The following LRMDA variants were observed in gnomAD, a reference collection of about 807,000 sequenced individuals.
The protein encoded by LRMDA is leucine-rich melanocyte differentiation-associated protein.
A neutral mutation model predicts 29.8 loss-of-function variants in LRMDA; 18 were observed. The observed-to-expected ratio is 0.60, with a 90% CI of 0.42 to 0.90. LRMDA has a LOEUF of 0.90. LRMDA is among the 40% of genes least tolerant of loss of function. The probability of loss-of-function intolerance (pLI) is 0.00; values close to 1 mark genes in which losing one functional copy is unlikely to be tolerated. For synonymous variants in LRMDA, 125 were observed against 109.4 expected, an observed-to-expected ratio of 1.14 and a Z score of -0.89; for missense variants, 273 against 273.9, an observed-to-expected ratio of 1.00 and a Z score of 0.02.
chr10:75,567,790 C>T (rs1322623452), intron 2 of LRMDA, among the ~76,000 whole-genome samples: 1 of 152,146 alleles, frequency 6.6e-6, no homozygotes, highest in Non-Finnish European at 1.5e-5. Flanking sequence ...AGTATTTTAT[C>T]AGTTAGAACT....
At chr10:75,998,606 T>C (rs563483440) in intron 2 of LRMDA, among the ~76,000 whole-genome samples, 3 of 152,316 alleles carry the variant, frequency 2.0e-5, no homozygotes, top group African/African-American at 7.2e-5. Context: ...CACGTCTTCG[T>C]GGGGTTAGGG....
intron 2 of LRMDA, among the ~76,000 whole-genome samples, chr10:75,593,089 G>A (rs557780151): frequency 1.3e-5 from 2 of 152,270 alleles, no homozygotes; most frequent in Non-Finnish European, 2.9e-5. Context: ...ACGGAATGAT[G>A]TCATGCGGAA....
At chr10:76,093,751 C>G (rs1849270360) in intron 5 of LRMDA, among the ~76,000 whole-genome samples, 1 of 152,294 alleles carries the variant, frequency 6.6e-6, no homozygotes, top group Non-Finnish European at 1.5e-5. Context: ...TTCCAAATAA[C>G]CAACCCAACG....
chr10:75,637,777 T>A (rs1841405766), intron 2 of LRMDA, among the ~76,000 whole-genome samples: 1 of 152,214 alleles, frequency 6.6e-6, no homozygotes, highest in Admixed American at 6.5e-5. Context: ...GTCTTCCTAA[T>A]AGGCAGCTGC....
intron 6 of LRMDA, among the ~76,000 whole-genome samples, chr10:76,359,150 GGTTTTATCCAAAGGCAGA>G (rs1841278874): frequency 6.6e-6 from 1 of 152,198 alleles, no homozygotes; most frequent in African/African-American, 2.4e-5. Flanking sequence ...TTGTCATTGT[GGTTTTATCCAAAGGCAGA>G]GAACATTGGA....
intron 2 of LRMDA, among the ~76,000 whole-genome samples, chr10:75,520,474 A>G (rs1251910208): frequency 6.6e-6 from 1 of 152,158 alleles, no homozygotes; most frequent in East Asian, 1.9e-4. Context: ...CGAATCAGCT[A>G]TTGAAGCTTG....
At chr10:76,495,164 A>T (rs995776770) in intron 6 of LRMDA, among the ~76,000 whole-genome samples, 1 of 151,890 alleles carries the variant, frequency 6.6e-6, no homozygotes, top group East Asian at 1.9e-4. Context: ...TATTGTGCTA[A>T]AATTGTATAA....
intron 2 of LRMDA, among the ~76,000 whole-genome samples, chr10:75,800,853 T>TC (rs1233418526): frequency 6.6e-6 from 1 of 152,194 alleles, no homozygotes; most frequent in East Asian, 1.9e-4. Context: ...TTCTGTTATC[T>TC]CCCCCTGAAA....
chr10:75,488,324 T>G (rs1442003405), intron 2 of LRMDA, among the ~76,000 whole-genome samples: 1 of 152,222 alleles, frequency 6.6e-6, no homozygotes, highest in Non-Finnish European at 1.5e-5. Context: ...TTAGCCTTCA[T>G]GTGAACTGAA....
chr10:75,832,768 C>T (rs1209254994), intron 2 of LRMDA, among the ~76,000 whole-genome samples: 2 of 152,196 alleles, frequency 1.3e-5, no homozygotes, highest in African/African-American at 2.4e-5. Context: ...TCACATCTTA[C>T]GTGGATGGTA....
intron 2 of LRMDA, among the ~76,000 whole-genome samples, chr10:75,851,369 T>G (rs560975394): frequency 1.3e-5 from 2 of 152,216 alleles, no homozygotes; most frequent in Non-Finnish European, 2.9e-5. Flanking sequence ...TCTATTCTTA[T>G]CCTGTTGTGT....
chr10:75,870,975 G>A (rs1003712307), intron 2 of LRMDA, among the ~76,000 whole-genome samples: 4 of 152,168 alleles, frequency 2.6e-5, no homozygotes, highest in Non-Finnish European at 5.9e-5. Flanking sequence ...TATCTGTGAT[G>A]TATCTCCTCA....
At chr10:75,578,256 A>C (rs1033997754) in intron 2 of LRMDA, among the ~76,000 whole-genome samples, 9 of 145,622 alleles carry the variant, frequency 6.2e-5, no homozygotes, top group Non-Finnish European at 9.1e-5. Context: ...GTTGCAATTG[A>C]GTCTCTGATA....
chr10:75,768,337 T>C (rs996720995), intron 2 of LRMDA, among the ~76,000 whole-genome samples: 1 of 152,230 alleles, frequency 6.6e-6, no homozygotes, highest in African/African-American at 2.4e-5. Flanking sequence ...GTAATTTCTT[T>C]GCTGTGCATT....
rs547776010 is a variant in LRMDA, at chr10:76,084,698, T to G, written c.516+25915T>G. Among the ~76,000 whole-genome samples, 41 of 152,308 alleles carry G rather than the reference T, an allele frequency of 2.7e-4. 2 individuals carry two copies. In the South Asian group the frequency reaches 7.9e-3, roughly 29 times the overall value. ...ATGATATATGTAAAGTATCTGGCAC[T>G]TAGTAGTAGGTTAGTAAAAATTAGC... On this transcript the variant is annotated intron_variant, in intron 5 of 6. Coordinates refer to ENST00000611255, the MANE Select transcript of LRMDA (RefSeq NM_001305581.2).
At chr10:75,607,460 G>A (rs192647799) in intron 2 of LRMDA, among the ~76,000 whole-genome samples, 49 of 152,270 alleles carry the variant, frequency 3.2e-4, no homozygotes, top group Admixed American at 2.9e-3. Context: ...TTCTTTGGAT[G>A]TTCTTATATT....
chr10:75,454,075 C>T (rs1844488660), intron 2 of LRMDA, among the ~76,000 whole-genome samples: 1 of 152,012 alleles, frequency 6.6e-6, no homozygotes, highest in African/African-American at 2.4e-5. Flanking sequence ...GGCAGGGAAC[C>T]CAGCAAGGAC....
Position 76,357,779 on chromosome 10 carries a change from G to A in LRMDA, c.601+33294G>A, listed in dbSNP as rs75936355. Among the ~76,000 whole-genome samples, 334 of 152,274 alleles carry A rather than the reference G, an allele frequency of 2.2e-3. 2 individuals are homozygous for A. The highest frequency in any genetic ancestry group is 6.0e-3 in the African/African-American group (250 of 41,546). On this transcript the variant is annotated intron_variant, in intron 6 of 6. Transcript: ENST00000611255. ...GAGACCCACATTTCCAGCTTCTCTC[G>A]TCTCCAGTCTCCCTTTAGGAAGGCT...
chr10:75,931,477 G>T (rs760182436), intron 2 of LRMDA, among the ~76,000 whole-genome samples: 6 of 152,216 alleles, frequency 3.9e-5, no homozygotes, highest in Non-Finnish European at 8.8e-5. Context: ...TAGGATATCA[G>T]CGGGGGAATC....
Sources: allele counts gnomAD v4.1 joint callset (sites outside exome capture counted in the v4.1 genomes callset), GRCh38; gene constraint gnomAD v4.1.1; transcripts MANE v1.5; gene names NCBI Gene and HGNC (gene_info 2026-07-23, HGNC 2026-07-21).